Variants in UVRAG observed in about 807,000 individuals in gnomAD.
UVRAG encodes UV radiation resistance associated, also known as UV radiation resistance-associated gene protein.
UVRAG carries 19 observed loss-of-function variants against 78.0 expected under a neutral mutation model. The observed-to-expected ratio is 0.24, with a 90% CI of 0.17 to 0.36. UVRAG has a LOEUF of 0.36. Ranked by LOEUF, UVRAG falls within the 10% of genes least tolerant of loss-of-function variation. The pLI, the probability that UVRAG is intolerant of heterozygous loss-of-function variation, is 1.00. For synonymous variants in UVRAG, 323 were observed against 324.6 expected (o/e 1.00, Z 0.05); for missense variants, 740 against 853.8 (o/e 0.87, Z 1.66).
rs375308736 is a variant in UVRAG, at chr11:75,844,334, T to A, written c.118-7549T>A. Among the ~76,000 whole-genome samples the A allele has an allele frequency of 5.3e-4, 81 of 152,004 alleles. No individual in the cohort carries two copies. In the East Asian group the frequency reaches 0.014, roughly 27 times the overall value. On this transcript the variant is annotated intron_variant, in intron 1 of 14. Transcript: ENST00000356136. ...GTTCCGCCTCCTGGGTTCACGCCATTCTCCTGCCTCAGCCTCCCAGTAGCT... is the reference window on the plus strand; with the variant it reads ...GTTCCGCCTCCTGGGTTCACGCCATACTCCTGCCTCAGCCTCCCAGTAGCT...
At chr11:75,973,778 A>G (rs1019080651) in intron 7 of UVRAG, among the ~76,000 whole-genome samples, 4 of 152,048 alleles carry the variant, frequency 2.6e-5, no homozygotes, top group South Asian at 2.1e-4. Context: ...TCATTGTTCA[A>G]TTCCTGCCTG....
chr11:76,021,127 C>A (rs1565123537), intron 12 of UVRAG, among the ~76,000 whole-genome samples: 1 of 152,154 alleles, frequency 6.6e-6, no homozygotes. Context: ...TCAAGTCTGT[C>A]TTTCCTACCG....
chr11:76,050,744 T>C (rs1218713520), intron 12 of UVRAG, among the ~76,000 whole-genome samples: 1 of 152,204 alleles, frequency 6.6e-6, no homozygotes, highest in African/African-American at 2.4e-5. Context: ...TTTTTTTAAA[T>C]GCATTTTGTT....
At chr11:75,884,812 T>A (rs1042076022) in intron 4 of UVRAG, among the ~76,000 whole-genome samples, 9 of 152,110 alleles carry the variant, frequency 5.9e-5, no homozygotes, top group Non-Finnish European at 1.3e-4. Flanking sequence ...GTGTCTAGAA[T>A]TCAGTCAATG....
chr11:75,859,819 G>T (rs1946378958), intron 2 of UVRAG, among the ~76,000 whole-genome samples: 1 of 152,164 alleles, frequency 6.6e-6, no homozygotes, highest in Non-Finnish European at 1.5e-5. Flanking sequence ...CTCATACTCA[G>T]CAATTTCTTT....
At position 76,012,667 on chromosome 11, in the gene UVRAG, G is replaced by A. The variant is rs567865873; in HGVS notation, c.1060+3800G>A. The stretch of plus-strand genomic sequence containing the variant: ...CACCGTAGTGCTCCAACATTAGTGT[G>A]CTTTTCTAAGTGGGTAAGTTACTGT... On this transcript the variant is annotated intron_variant, in intron 11 of 14. Transcript: ENST00000356136. 3.9e-5 allele frequency among the ~76,000 whole-genome samples: 6 copies of A among 152,248 alleles called. No individual in the cohort carries two copies. The East Asian group carries it at 1.2e-3, about 29-fold the overall frequency.
intron 12 of UVRAG, among the ~76,000 whole-genome samples, chr11:76,052,976 AAT>A (rs1394999928): frequency 6.7e-6 from 1 of 148,872 alleles, no homozygotes; most frequent in Non-Finnish European, 1.5e-5. Context: ...TATAGGTATA[AAT>A]ATATATAGTT....
rs563548800 is a variant in UVRAG, at chr11:76,053,964, A to G, written c.1227-11746A>G. 2.8e-3 allele frequency among the ~76,000 whole-genome samples: 164 copies of G among 58,352 alleles called. 1 individual carries two copies. Among genetic ancestry groups the G allele is most frequent in the African/African-American group, 7.3e-3 (158 of 21,784 alleles). 38.3% of individuals were successfully genotyped at this position (58,352 alleles called of 152,430 possible). On this transcript the variant is annotated intron_variant, in intron 12 of 14. Coordinates refer to ENST00000356136, the MANE Select transcript of UVRAG (RefSeq NM_003369.4). ...CAGCCTGGTGACAGAGCAAGACTCC[A>G]TCTCAAAAAAAAAAAAAAAAAAGTT...
At chr11:76,035,808 G>A (rs923694441) in intron 12 of UVRAG, among the ~76,000 whole-genome samples, 2 of 152,168 alleles carry the variant, frequency 1.3e-5, no homozygotes, top group Non-Finnish European at 2.9e-5. Flanking sequence ...GACTAAGAAA[G>A]TGAGCATACT....
Position 76,075,469 on chromosome 11 carries a change from C to T in UVRAG, c.1305+9681C>T, listed in dbSNP as rs898463622. On this transcript the variant is annotated intron_variant, in intron 13 of 14. Coordinates refer to ENST00000356136, the MANE Select transcript of UVRAG (RefSeq NM_003369.4). ...CTACTAAAAAAATACAAAAATTAGC[C>T]GGGCAGGGTTGCAGTCGCCTGTAAT... Among the ~76,000 whole-genome samples the T allele has an allele frequency of 9.2e-5, 14 of 152,016 alleles. No homozygotes were observed. The South Asian group carries it at 2.3e-3, about 25-fold the overall frequency.
At chr11:76,066,692 C>T (rs367775139) in intron 13 of UVRAG, among the ~76,000 whole-genome samples, 2 of 152,098 alleles carry the variant, frequency 1.3e-5, no homozygotes, top group Non-Finnish European at 2.9e-5. Flanking sequence ...CAGATGGTCT[C>T]GATCTGCTGA....
chr11:76,139,411 C>T (rs1010472346), intron 14 of UVRAG, among the ~76,000 whole-genome samples: 7 of 152,164 alleles, frequency 4.6e-5, no homozygotes, highest in African/African-American at 1.7e-4. Flanking sequence ...GGAGGAAGGG[C>T]CTACTGGTCT....
Position 75,953,748 on chromosome 11 carries a change from C to A in UVRAG, c.594-7696C>A, listed in dbSNP as rs1467024778. 2.6e-5 allele frequency among the ~76,000 whole-genome samples: 4 copies of A among 151,984 alleles called. No individual in the cohort carries two copies. In the East Asian group the frequency reaches 7.7e-4, roughly 29 times the overall value. On this transcript the variant is annotated intron_variant, in intron 6 of 14. Coordinates refer to ENST00000356136, the MANE Select transcript of UVRAG (RefSeq NM_003369.4). ...ATATATAGCCTCAAAGCACTTTAGT[C>A]CAGTTTCAGTTTATCTCAAATCATG... is the stretch of plus-strand genomic sequence containing the variant.
intron 5 of UVRAG, among the ~76,000 whole-genome samples, chr11:75,893,561 A>G (rs1947269096): frequency 6.6e-6 from 1 of 151,730 alleles, no homozygotes; most frequent in South Asian, 2.1e-4. Context: ...GCCAGAAGAA[A>G]TAGGTCTTCA....
intron 13 of UVRAG, among the ~76,000 whole-genome samples, chr11:76,082,256 G>A (rs188138142): frequency 4.5e-4 from 68 of 152,074 alleles, no homozygotes; most frequent in African/African-American, 1.6e-3. Flanking sequence ...AAAAATCATA[G>A]GTGGCTAGGC....
intron 1 of UVRAG, among the ~76,000 whole-genome samples, chr11:75,845,022 G>A (rs1946005180): frequency 6.6e-6 from 1 of 152,120 alleles, no homozygotes; most frequent in South Asian, 2.1e-4. Flanking sequence ...ATTTGTATTT[G>A]AAAGATTTAT....
At chr11:75,938,870 G>A (rs1398469872) in intron 6 of UVRAG, among the ~76,000 whole-genome samples, 1 of 152,226 alleles carries the variant, frequency 6.6e-6, no homozygotes, top group African/African-American at 2.4e-5. Context: ...GAGAACTCTC[G>A]CACTCATGGC....
At chr11:75,859,190 C>G (rs967420919) in intron 2 of UVRAG, among the ~76,000 whole-genome samples, 3 of 152,158 alleles carry the variant, frequency 2.0e-5, no homozygotes, top group Non-Finnish European at 2.9e-5. Flanking sequence ...GCCTGGCCAA[C>G]ATGGCGAAAC....
chr11:75,962,704 G>T (rs1948932512), intron 7 of UVRAG, among the ~76,000 whole-genome samples: 1 of 152,074 alleles, frequency 6.6e-6, no homozygotes, highest in Non-Finnish European at 1.5e-5. Flanking sequence ...ATTGAAGGGG[G>T]AGGAAAAATC....
Sources: gnomAD v4.1 joint callset for allele counts (sites outside exome capture counted in the v4.1 genomes callset) on GRCh38, gnomAD v4.1.1 for gene constraint, MANE v1.5 for transcripts, NCBI Gene and HGNC (gene_info 2026-07-23, HGNC 2026-07-21) for gene names.